Variants in ASCC3 observed in about 807,000 individuals in gnomAD.
ASCC3 encodes the protein activating signal cointegrator 1 complex subunit 3, also known as ASC-1 complex subunit P200.
Under a neutral mutation model 256.3 loss-of-function variants are expected in ASCC3, and 158 were observed. The ratio of observed to expected loss-of-function variants is 0.62; its 90% CI spans 0.54 to 0.70. The LOEUF (loss-of-function observed/expected upper bound fraction) is 0.70, where lower values mean the gene tolerates loss of function less well. Ranked by LOEUF, ASCC3 falls within the 30% of genes least tolerant of loss-of-function variation. ASCC3 has a pLI of 0.00. For missense variants in ASCC3, 2,259 were observed against 2,626.0 expected (o/e 0.86, Z 3.05); for synonymous variants, 948 against 883.4 (o/e 1.07, Z -1.30).
intron 25 of ASCC3, 55 bp downstream of exon 25, chr6:100,638,546 A>C: frequency 3.3e-5 from 46 of 1,399,214 alleles, no homozygotes; most frequent in Non-Finnish European, 4.3e-5. Flanking sequence ...TGTCTAGTTT[A>C]GAGATTATGA....
chr6:100,604,825 A>T lies in ASCC3; in HGVS notation c.5177+743T>A, dbSNP rs1462984768. Among the ~76,000 whole-genome samples the T allele has an allele frequency of 2.0e-5, 3 of 152,112 alleles. No homozygotes were observed. The East Asian group carries it at 5.8e-4, about 29-fold the overall frequency. On this transcript the variant is annotated intron_variant, in intron 33 of 41. Coordinates refer to ENST00000369162, the MANE Select transcript of ASCC3 (RefSeq NM_006828.4). ...AACAATTATATACAGGATAAATCAG[A>T]TGTTTTGTCTTCAATGCAGTTAGAA...
At chr6:100,856,548 G>A (rs145707728) in intron 3 of ASCC3, 3 of 493,748 alleles carry the variant, frequency 6.1e-6, no homozygotes, top group Non-Finnish European at 7.9e-6. Flanking sequence ...ATCAAAAAAC[G>A]AACACACCTG....
intron 14 of ASCC3, among the ~76,000 whole-genome samples, 191 bp downstream of exon 14, chr6:100,679,424 AATG>A (rs1777181440): frequency 6.6e-6 from 1 of 152,212 alleles, no homozygotes; most frequent in East Asian, 1.9e-4. Context: ...TATAGAAAGG[AATG>A]ATAAGTGTTA....
rs371979801 is a variant in ASCC3, at chr6:100,867,875, A to C, written c.90+33T>G. 5.8e-4 allele frequency: 863 copies of C among 1,497,238 alleles called. 1 individual carries two copies. Among genetic ancestry groups the C allele is most frequent in the Non-Finnish European group, 7.5e-4 (812 of 1,075,640 alleles). The allele number at this position is 1,497,238 out of a possible 1,614,324, so 92.7% of individuals were successfully genotyped here. A position where few individuals can be genotyped will look rare whatever the true frequency, so the allele number is the denominator to read the frequency against. ...GTTGTCCATAGTCTGTGTTTATAAT[A>C]ATGTTCAACATTTCTACCTTTAACA... On this transcript the variant is annotated intron_variant, in intron 2 of 41. Coordinates refer to ENST00000369162, the MANE Select transcript of ASCC3 (RefSeq NM_006828.4).
chr6:100,585,912 A>T (rs1407706692), intron 36 of ASCC3, among the ~76,000 whole-genome samples: 2 of 152,120 alleles, frequency 1.3e-5, no homozygotes, highest in Non-Finnish European at 2.9e-5. Context: ...GTGAACCGCG[A>T]ATGCTGCTGT....
intron 13 of ASCC3, among the ~76,000 whole-genome samples, chr6:100,705,655 T>C (rs932345471): frequency 1.3e-5 from 2 of 151,846 alleles, no homozygotes; most frequent in African/African-American, 4.8e-5. Flanking sequence ...TTTTAACTGA[T>C]TGTGGGGAAG....
intron 11 of ASCC3, among the ~76,000 whole-genome samples, chr6:100,719,232 TTTG>T (rs1779214697): frequency 6.6e-6 from 1 of 152,104 alleles, no homozygotes; most frequent in Admixed American, 6.6e-5. Flanking sequence ...TTATTATAAA[TTTG>T]TTTTCACTGA....
At chr6:100,849,887 G>A (rs1478771490) in intron 3 of ASCC3, among the ~76,000 whole-genome samples, 1 of 152,026 alleles carries the variant, frequency 6.6e-6, no homozygotes, top group Non-Finnish European at 1.5e-5. Context: ...ATCACCTGAG[G>A]TCAGCAGTTC....
intron 16 of ASCC3, 64 bp downstream of exon 16, chr6:100,661,742 C>T (rs80121674): frequency 0.022 from 32,945 of 1,525,820 alleles, 440 homozygotes; most frequent in African/African-American, 0.055. Flanking sequence ...ACTCAATCTT[C>T]ATCTTTCTTG....
intron 8 of ASCC3, among the ~76,000 whole-genome samples, chr6:100,776,398 C>T (rs577811561): frequency 6.6e-6 from 1 of 152,134 alleles, no homozygotes; most frequent in Non-Finnish European, 1.5e-5. Flanking sequence ...TCATAATTAG[C>T]AGACCAGAAA....
At chr6:100,631,005 C>T in intron 26 of ASCC3, 123 bp downstream of exon 26, 1 of 688,744 alleles carries the variant, frequency 1.5e-6, no homozygotes, top group Non-Finnish European at 2.5e-6. Context: ...TAAAACCATT[C>T]AGCAGTTAAA....
At chr6:100,852,826 G>A (rs1772750015) in intron 3 of ASCC3, among the ~76,000 whole-genome samples, 2 of 151,996 alleles carry the variant, frequency 1.3e-5, no homozygotes, top group Non-Finnish European at 2.9e-5. Context: ...CCGGAAAACT[G>A]GCTCTACCCA....
chr6:100,787,153 G>C (rs1769120998), intron 8 of ASCC3, among the ~76,000 whole-genome samples: 1 of 152,026 alleles, frequency 6.6e-6, no homozygotes, highest in Non-Finnish European at 1.5e-5. Flanking sequence ...ATATGGCAGA[G>C]GCTGTCACTC....
In ASCC3 at chr6:100,693,058, T is replaced by C. The variant is rs183319153; in HGVS notation, c.2152-13306A>G. ...TAACTCAACAGTATTTTGGCAATGA[T>C]TCAAATTATAAAGACAGAATATATA... On this transcript the variant is annotated intron_variant, in intron 13 of 41. Coordinates refer to ENST00000369162, the MANE Select transcript of ASCC3 (RefSeq NM_006828.4). 1.3e-3 allele frequency among the ~76,000 whole-genome samples: 194 copies of C among 152,152 alleles called. 1 individual carries two copies. Among genetic ancestry groups the C allele is most frequent in the African/African-American group, 4.4e-3 (184 of 41,554 alleles).
intron 11 of ASCC3, among the ~76,000 whole-genome samples, chr6:100,724,991 G>A (rs1473001838): frequency 1.3e-5 from 2 of 151,994 alleles, no homozygotes; most frequent in East Asian, 3.9e-4. Flanking sequence ...CTGGCTGGAA[G>A]TACAGACATG....
chr6:100,533,246 T>C (rs1775004992), intron 37 of ASCC3, among the ~76,000 whole-genome samples: 1 of 152,140 alleles, frequency 6.6e-6, no homozygotes. Context: ...TGTCATAAGG[T>C]TGGTACTAAG....
chr6:100,662,123 T>C, intron 15 of ASCC3, 93 bp from the exon 16 acceptor site: 1 of 1,298,210 alleles, frequency 7.7e-7, no homozygotes, highest in Non-Finnish European at 1.1e-6. Flanking sequence ...TATGGCAAGA[T>C]CTCAAAAGTG....
At position 100,797,528 on chromosome 6, in the gene ASCC3, TAATA is replaced by T. The variant is rs1386790248; in HGVS notation, c.1395+1181_1395+1184del. 1.3e-4 allele frequency among the ~76,000 whole-genome samples: 20 copies of T among 150,928 alleles called. 1 individual carries two copies. Among genetic ancestry groups the T allele is most frequent in the Admixed American group, 8.6e-4 (13 of 15,172 alleles). On this transcript the variant is annotated intron_variant, in intron 8 of 41. Coordinates refer to ENST00000369162, the MANE Select transcript of ASCC3 (RefSeq NM_006828.4). ...AATATTTAATACATAAAATAAAACT[TAATA>T]AATCTTAATGATGATATTGCTTATA...
At chr6:100,732,370 G>A (rs1407862626) in intron 10 of ASCC3, among the ~76,000 whole-genome samples, 1 of 152,070 alleles carries the variant, frequency 6.6e-6, no homozygotes, top group Non-Finnish European at 1.5e-5. Context: ...AGTTTGTTTG[G>A]GGTGTACTTT....
Sources: gnomAD v4.1 joint callset for allele counts (sites outside exome capture counted in the v4.1 genomes callset) on GRCh38, gnomAD v4.1.1 for gene constraint, MANE v1.5 for transcripts, NCBI Gene and HGNC (gene_info 2026-07-23, HGNC 2026-07-21) for gene names.